The following RND1 variants were observed in gnomAD, a reference collection of about 807,000 sequenced individuals.
RND1 encodes rho-related GTP-binding protein Rho6.
Under a neutral mutation model 27.1 loss-of-function variants are expected in RND1, and 9 were observed. The ratio of observed to expected loss-of-function variants is 0.33; its 90% CI spans 0.20 to 0.58. RND1 has a LOEUF of 0.58. RND1 is among the 20% of genes least tolerant of loss of function. RND1 has a pLI of 0.86. For synonymous variants in RND1, 108 were observed against 115.7 expected (o/e 0.93, Z 0.43); for missense variants, 253 against 292.2 (o/e 0.87, Z 0.98).
intron 4 of RND1, 53 bp from the exon 5 acceptor site, chr12:48,858,294 G>A (rs1020039600): frequency 6.3e-6 from 10 of 1,582,412 alleles, no homozygotes; most frequent in African/African-American, 2.7e-5. Flanking sequence ...GCTCTGGGAC[G>A]CTGCCTCTGT....
In RND1 at chr12:48,865,744, C is replaced by T. The variant is rs767137867; in HGVS notation, c.24G>A (p.Gln8=). The change falls in exon 1 of 5, where the codon CAG becomes CAA. Residue 8 remains glutamine, a synonymous_variant. Transcript: ENST00000309739. Reference sequence around the variant, plus strand: ...CGAGCTTACATCTGGCCACGACTGGCTGGGGGGCCCGTCTCTCCTTCATGG... The same window carrying T: ...CGAGCTTACATCTGGCCACGACTGGTTGGGGGGCCCGTCTCTCCTTCATGG... MKERRAP[Q]PVVARCKLVL... is the part of the protein sequence containing the mutation. 7.5e-6 allele frequency: 12 copies of T among 1,606,056 alleles called. No homozygotes were observed. The highest frequency in any genetic ancestry group is 1.1e-5 in the South Asian group (1 of 90,528).
At position 48,862,105 on chromosome 12, in the gene RND1, G is replaced by A. The variant is rs758170883; in HGVS notation, c.222C>T (p.Tyr74=). 30 of 1,607,250 alleles carry A rather than the reference G, an allele frequency of 1.9e-5. No homozygotes were observed. Among genetic ancestry groups the A allele is most frequent in the East Asian group, 8.9e-5 (4 of 44,850 alleles). The change falls in exon 3 of 5, where the codon TAC becomes TAT. Residue 74 remains tyrosine, a synonymous_variant. Coordinates refer to ENST00000309739, the MANE Select transcript of RND1 (RefSeq NM_014470.4). ...TGTAGCAGAGTGGACGGACATTATC[G>A]TAGTAGGGAGATCCTGGTGTAGGCC... ...SLWDTSGSPY[Y]DNVRPLCYSD...
intron 2 of RND1, among the ~76,000 whole-genome samples, chr12:48,864,424 C>T (rs983527138): frequency 2.3e-4 from 31 of 135,942 alleles, no homozygotes; most frequent in African/African-American, 4.9e-4. Context: ...TGTGCGCGCG[C>T]GCGCGTGTGT....
At chr12:48,861,935 C>T in intron 3 of RND1, 74 bp downstream of exon 3, 1 of 845,336 alleles carries the variant, frequency 1.2e-6, no homozygotes, top group East Asian at 2.4e-5. Context: ...TACAAGAGGG[C>T]ATTCATGACA....
At chr12:48,861,932 G>C (rs1238021592) in intron 3 of RND1, 77 bp downstream of exon 3, 1 of 830,100 alleles carries the variant, frequency 1.2e-6, no homozygotes. Flanking sequence ...TTATACAAGA[G>C]GGCATTCATG....
At chr12:48,861,912 T>C in intron 3 of RND1, 97 bp downstream of exon 3, 1 of 758,640 alleles carries the variant, frequency 1.3e-6, no homozygotes, top group East Asian at 2.5e-5. Context: ...CTGGCTTCCA[T>C]TTCTTGATGT....
At position 48,864,416 on chromosome 12, in the gene RND1, T is replaced by TGTGTGTGTGTGTGCGCGC. The variant is rs141121524; in HGVS notation, c.208+366_208+367insGCGCGCACACACACACAC. ...GTGTGTGTGTGTGTGTGTGTGTGTG[T>TGTGTGTGTGTGTGCGCGC]GCGCGCGCGCGCGTGTGTGTGCATG... On this transcript the variant is annotated intron_variant, in intron 2 of 4. Transcript: ENST00000309739. Among the ~76,000 whole-genome samples the TGTGTGTGTGTGTGCGCGC allele has an allele frequency of 2.2e-3, 299 of 135,550 alleles. 1 individual carries two copies. The highest frequency in any genetic ancestry group is 4.9e-3 in the African/African-American group (182 of 36,854). 88.9% of individuals were successfully genotyped at this position (135,550 alleles called of 152,430 possible).
At chr12:48,861,952 C>T (rs1402277202) in intron 3 of RND1, 57 bp downstream of exon 3, 6 of 1,012,244 alleles carry the variant, frequency 5.9e-6, no homozygotes, top group African/African-American at 4.7e-5. Flanking sequence ...GACAAGGTCC[C>T]GATTCCTTCT....
chr12:48,858,843 C>T (rs1370806305), intron 4 of RND1: 1 of 126,712 alleles, frequency 7.9e-6, no homozygotes, highest in Non-Finnish European at 1.6e-5. Flanking sequence ...CACTGCACTT[C>T]ATTCTGGGTG....
intron 3 of RND1, among the ~76,000 whole-genome samples, 178 bp from the exon 4 acceptor site, chr12:48,861,309 C>A (rs1307050273): frequency 1.3e-5 from 2 of 152,166 alleles, no homozygotes. Flanking sequence ...ATTTTCCTGC[C>A]CATGAGGCCT....
At chr12:48,861,917 T>C in intron 3 of RND1, 92 bp downstream of exon 3, 1 of 772,278 alleles carries the variant, frequency 1.3e-6, no homozygotes. Flanking sequence ...TTCCATTTCT[T>C]GATGTTATAC....
intron 4 of RND1, 170 bp from the exon 5 acceptor site, chr12:48,858,411 A>G: frequency 4.7e-6 from 3 of 634,468 alleles, no homozygotes; most frequent in South Asian, 2.2e-5. Context: ...TTTTTTTGGC[A>G]TACACCCTGT....
chr12:48,864,174 A>G (rs982283163), intron 2 of RND1, among the ~76,000 whole-genome samples: 2 of 152,028 alleles, frequency 1.3e-5, no homozygotes, highest in African/African-American at 4.8e-5. Flanking sequence ...AACATCGATG[A>G]TGCATTGCTT....
In RND1 at chr12:48,865,637, G is replaced by A. The variant is rs1478416120; in HGVS notation, c.120+11C>T. ...GAGAAAAGCCGGCCAGCGGGCGGGC[G>A]GGCAGCTCACCTCTGGATAGCAATC... is the stretch of plus-strand genomic sequence containing the variant. On this transcript the variant is annotated intron_variant, in intron 1 of 4. Coordinates refer to ENST00000309739, the MANE Select transcript of RND1 (RefSeq NM_014470.4). 1.2e-6 allele frequency: 2 copies of A among 1,609,224 alleles called. No individual in the cohort carries two copies. Among genetic ancestry groups the A allele is most frequent in the South Asian group, 2.2e-5 (2 of 90,362 alleles).
chr12:48,862,867 G>T (rs564324397), intron 2 of RND1, among the ~76,000 whole-genome samples: 1 of 152,260 alleles, frequency 6.6e-6, no homozygotes, highest in East Asian at 1.9e-4. Flanking sequence ...CCCTGGGGAA[G>T]GAGCAGTAGC....
At chr12:48,864,287 C>G (rs1358807040) in intron 2 of RND1, among the ~76,000 whole-genome samples, 1 of 152,114 alleles carries the variant, frequency 6.6e-6, no homozygotes, top group Non-Finnish European at 1.5e-5. Context: ...TCTGAGCAAC[C>G]TTTCCCCAAA....
intron 3 of RND1, among the ~76,000 whole-genome samples, chr12:48,861,790 G>A (rs1342769619): frequency 3.3e-5 from 5 of 152,168 alleles, no homozygotes; most frequent in African/African-American, 1.2e-4. Flanking sequence ...GGGGCCTCTG[G>A]CAAGGCAGCA....
intron 4 of RND1, 93 bp from the exon 5 acceptor site, chr12:48,858,334 G>A: frequency 1.4e-6 from 2 of 1,411,406 alleles, no homozygotes; most frequent in Non-Finnish European, 9.5e-7. Flanking sequence ...CTCCAGAGGG[G>A]ACCCAGCTGC....
chr12:48,861,594 T>G (rs1172257304), intron 3 of RND1, among the ~76,000 whole-genome samples: 1 of 152,158 alleles, frequency 6.6e-6, no homozygotes, highest in Non-Finnish European at 1.5e-5. Flanking sequence ...TGCCCAGACC[T>G]AAGCATTTCA....
Sources: allele counts gnomAD v4.1 joint callset (sites outside exome capture counted in the v4.1 genomes callset), GRCh38; gene constraint gnomAD v4.1.1; transcripts MANE v1.5; gene names NCBI Gene and HGNC (gene_info 2026-07-23, HGNC 2026-07-21).